Variants in P2RY2 observed in about 807,000 individuals in gnomAD.
The protein encoded by P2RY2 is purinergic receptor P2Y2, also known as P2Y purinoceptor 2.
For missense variants in P2RY2, 567 were observed against 515.7 expected (o/e 1.10, Z -0.96); for synonymous variants, 241 against 231.9 (o/e 1.04, Z -0.35).
chr11:73,222,732 A>G (rs940123169), intron 1 of P2RY2, among the ~76,000 whole-genome samples: 1 of 152,054 alleles, frequency 6.6e-6, no homozygotes, highest in African/African-American at 2.4e-5. Context: ...ACCAGTTTCC[A>G]GCTCAGATGA....
rs986479010 is a variant in P2RY2 at position 73,240,706 on chromosome 11, C to T, written c.*5413C>T. ...CTCAGCCAACTTCATTAGCTCCAGT[C>T]TGTGGCTCCTGGACTGGAGCTACAG... On this transcript the variant is annotated 3_prime_UTR_variant, in exon 3 of 3. Transcript: ENST00000393597. 1 of 152,228 alleles carries T rather than the reference C, an allele frequency of 6.6e-6. No individual in the cohort carries two copies. Among genetic ancestry groups the T allele is most frequent in the Admixed American group, 6.5e-5 (1 of 15,282 alleles). 9.4% of individuals were successfully genotyped at this position (152,228 alleles called of 1,614,324 possible).
intron 2 of P2RY2, among the ~76,000 whole-genome samples, chr11:73,232,571 T>G (rs1201565354): frequency 6.6e-6 from 1 of 151,926 alleles, no homozygotes; most frequent in African/African-American, 2.4e-5. Context: ...CAGGCTAATT[T>G]TGTGTGTGTG....
At chr11:73,223,335 C>T (rs1239654167) in intron 1 of P2RY2, among the ~76,000 whole-genome samples, 1 of 152,164 alleles carries the variant, frequency 6.6e-6, no homozygotes, top group African/African-American at 2.4e-5. Context: ...GTTCCCCTTC[C>T]AGGGACCTTG....
At chr11:73,221,127 T>C (rs1483495135) in intron 1 of P2RY2, among the ~76,000 whole-genome samples, 4 of 152,210 alleles carry the variant, frequency 2.6e-5, no homozygotes, top group African/African-American at 9.7e-5. Flanking sequence ...TAAATCCATT[T>C]TGAAGACTAT....
chr11:73,232,672 G>C (rs1480080766), intron 2 of P2RY2, among the ~76,000 whole-genome samples: 1 of 152,204 alleles, frequency 6.6e-6, no homozygotes, highest in Non-Finnish European at 1.5e-5. Context: ...GCCTCCCAAA[G>C]TGGTGGGATT....
chr11:73,233,062 C>T (rs1238587710), intron 2 of P2RY2, among the ~76,000 whole-genome samples: 1 of 152,096 alleles, frequency 6.6e-6, no homozygotes, highest in Non-Finnish European at 1.5e-5. Context: ...TTGGGGGGGA[C>T]ACCATGATAC....
At chr11:73,221,772 C>A (rs536201111) in intron 1 of P2RY2, among the ~76,000 whole-genome samples, 1 of 152,188 alleles carries the variant, frequency 6.6e-6, no homozygotes, top group Non-Finnish European at 1.5e-5. Context: ...GCCACTCTGA[C>A]CTCTGTACTC....
chr11:73,239,611 C>G lies in P2RY2; in HGVS notation c.*4318C>G, dbSNP rs1862732444. On this transcript the variant is annotated 3_prime_UTR_variant, in exon 3 of 3. Transcript: ENST00000393597. ...CTAGGAGCAGAGGACTGGTCTGGAG[C>G]TGGGCAAGGGCAGGCAGCAAATGGG... 6.6e-6 allele frequency: 1 copy of G among 152,348 alleles called. No individual in the cohort carries two copies. Among genetic ancestry groups the G allele is most frequent in the South Asian group, 2.1e-4 (1 of 4,826 alleles). 9.4% of individuals were successfully genotyped at this position (152,348 alleles called of 1,614,324 possible). A position where few individuals can be genotyped will look rare whatever the true frequency, so the allele number is the denominator to read the frequency against.
Position 73,236,711 on chromosome 11 carries a change from G to C in P2RY2, c.*1418G>C. 2.0e-6 allele frequency: 2 copies of C among 985,392 alleles called. No individual in the cohort carries two copies. Among genetic ancestry groups the C allele is most frequent in the Non-Finnish European group, 2.4e-6 (2 of 829,924 alleles). The allele number at this position is 985,392 out of a possible 1,614,324, so 61.0% of individuals were successfully genotyped here. ...CTTTGCACTGGGGGTAAATATGAAA[G>C]AGATTCACTCCTCCTCCTGTCCATC... On this transcript the variant is annotated 3_prime_UTR_variant, in exon 3 of 3. Transcript: ENST00000393597.
chr11:73,221,807 G>T (rs973633386), intron 1 of P2RY2, among the ~76,000 whole-genome samples: 1 of 152,186 alleles, frequency 6.6e-6, no homozygotes, highest in Admixed American at 6.5e-5. Context: ...TGCAGGACTA[G>T]GCTAGGCCAT....
intron 2 of P2RY2, among the ~76,000 whole-genome samples, chr11:73,228,891 G>T (rs1459524756): frequency 6.6e-6 from 1 of 152,226 alleles, no homozygotes; most frequent in Non-Finnish European, 1.5e-5. Context: ...AGTGGCTGCA[G>T]GAGGTAGGTA....
In P2RY2 at chr11:73,235,690, G is replaced by T; in HGVS notation, c.*397G>T. On this transcript the variant is annotated 3_prime_UTR_variant, in exon 3 of 3. Transcript: ENST00000393597. ...CCAAGATCACATACCAGAGTCTGGAGCTGAGCTACCTGGGGTGGGGGCCAA... is the reference window on the plus strand; with the variant it reads ...CCAAGATCACATACCAGAGTCTGGATCTGAGCTACCTGGGGTGGGGGCCAA... 1 of 1,012,232 alleles carries T rather than the reference G, an allele frequency of 9.9e-7. No individual in the cohort carries two copies. The highest frequency in any genetic ancestry group is 4.6e-5 in the South Asian group (1 of 21,582). The allele number at this position is 1,012,232 out of a possible 1,614,324, so 62.7% of individuals were successfully genotyped here. A position where few individuals can be genotyped will look rare whatever the true frequency, so the allele number is the denominator to read the frequency against.
intron 2 of P2RY2, among the ~76,000 whole-genome samples, chr11:73,229,111 G>A (rs1345653455): frequency 1.3e-5 from 2 of 152,198 alleles, no homozygotes; most frequent in East Asian, 1.9e-4. Context: ...AGCCCTCAAG[G>A]AGCACCTGAA....
At position 73,236,941 on chromosome 11, in the gene P2RY2, C is replaced by G; in HGVS notation, c.*1648C>G. 6.1e-6 allele frequency: 6 copies of G among 985,318 alleles called. No individual in the cohort carries two copies. Among genetic ancestry groups the G allele is most frequent in the Non-Finnish European group, 7.2e-6 (6 of 829,884 alleles). The allele number at this position is 985,318 out of a possible 1,614,324, so 61.0% of individuals were successfully genotyped here. On this transcript the variant is annotated 3_prime_UTR_variant, in exon 3 of 3. Coordinates refer to ENST00000393597, the MANE Select transcript of P2RY2 (RefSeq NM_002564.4). ...AAAGCTGACAGGCCTCACTCTTGAT[C>G]TCAAGGACAGGGACTCCCTCCTCTC...
rs960241057 is a variant in P2RY2 at position 73,238,626 on chromosome 11, A to C, written c.*3333A>C. 2.6e-5 allele frequency among the ~76,000 whole-genome samples: 4 copies of C among 152,190 alleles called. No homozygotes were observed. Among genetic ancestry groups the C allele is most frequent in the African/African-American group, 9.7e-5 (4 of 41,446 alleles). On this transcript the variant is annotated 3_prime_UTR_variant, in exon 3 of 3. Coordinates refer to ENST00000393597, the MANE Select transcript of P2RY2 (RefSeq NM_002564.4). ...CCACGCACCCTCTCATCTATGTTATATGGTGGATGCTTCACAGAAGCCCTG... is the reference window on the plus strand; with the variant it reads ...CCACGCACCCTCTCATCTATGTTATCTGGTGGATGCTTCACAGAAGCCCTG...
intron 1 of P2RY2, among the ~76,000 whole-genome samples, chr11:73,220,041 G>C (rs1026793738): frequency 6.6e-6 from 1 of 152,218 alleles, no homozygotes; most frequent in Non-Finnish European, 1.5e-5. Flanking sequence ...TATTATTTCT[G>C]TGTTGCCAGC....
At chr11:73,232,279 G>A (rs1476023711) in intron 2 of P2RY2, among the ~76,000 whole-genome samples, 1 of 152,070 alleles carries the variant, frequency 6.6e-6, no homozygotes, top group Admixed American at 6.6e-5. Flanking sequence ...GGCTGGACCT[G>A]GACAGATATT....
At chr11:73,234,085 G>C in intron 2 of P2RY2, 71 bp from the exon 3 acceptor site, 1 of 1,513,904 alleles carries the variant, frequency 6.6e-7, no homozygotes, top group Non-Finnish European at 8.8e-7. Flanking sequence ...CCCTGGTCAG[G>C]TGGCTGTGTC....
chr11:73,235,130 C>T lies in P2RY2; in HGVS notation c.971C>T (p.Thr324Ile). Residue 324 changes from threonine to isoleucine, a missense_variant, in exon 3 of 3, where the codon ACT becomes ATT. By Grantham distance (89) the Thr-to-Ile change is moderately conservative. Transcript: ENST00000393597. ...VRFARDAKPP[T>I]GPSPATPARR... The stretch of plus-strand genomic sequence containing the variant: ...TTTGCCCGAGATGCCAAGCCACCCA[C>T]TGGCCCCAGCCCTGCCACCCCGGCT... 1.2e-6 allele frequency: 2 copies of T among 1,609,016 alleles called. No individual in the cohort carries two copies. Among genetic ancestry groups the T allele is most frequent in the Non-Finnish European group, 1.7e-6 (2 of 1,178,954 alleles).
Sources: allele counts gnomAD v4.1 joint callset (sites outside exome capture counted in the v4.1 genomes callset), GRCh38; gene constraint gnomAD v4.1.1; transcripts MANE v1.5; gene names NCBI Gene and HGNC (gene_info 2026-07-23, HGNC 2026-07-21).